Variants in ACTN4 observed in about 807,000 individuals in gnomAD.
ACTN4 encodes actinin alpha 4, also known as alpha-actinin-4.
A neutral mutation model predicts 114.2 loss-of-function variants in ACTN4; 18 were observed. That is an observed-to-expected ratio of 0.16 (90% CI 0.11 to 0.23). The LOEUF (loss-of-function observed/expected upper bound fraction) is 0.23, where lower values mean the gene tolerates loss of function less well. Among genes scored for constraint, ACTN4 ranks in the 10% least tolerant of loss-of-function variants. The pLI, the probability that ACTN4 is intolerant of heterozygous loss-of-function variation, is 1.00. For synonymous variants in ACTN4, 515 were observed against 506.3 expected (o/e 1.02, Z -0.23); for missense variants, 722 against 1,262.9 (o/e 0.57, Z 6.49).
rs1004424947 is a variant in ACTN4, at chr19:38,727,460, C to T, written c.2337+357C>T. On this transcript the variant is annotated intron_variant, in intron 18 of 20. Transcript: ENST00000252699. The surrounding 1 kb of genome is among the most constrained non-coding windows in gnomAD (Gnocchi z 5.4). Reference sequence around the variant, plus strand: ...GTGCTTTTAGAATTCAGATTTGGTCCGGCAGCCTCATCAGAGGGGCCCTGA... The same window carrying T: ...GTGCTTTTAGAATTCAGATTTGGTCTGGCAGCCTCATCAGAGGGGCCCTGA... 3.9e-5 allele frequency among the ~76,000 whole-genome samples: 6 copies of T among 152,130 alleles called. No homozygotes were observed. The highest frequency in any genetic ancestry group is 3.2e-3 in the Middle Eastern group (1 of 316).
At chr19:38,658,716 T>TC (rs1372179034) in intron 1 of ACTN4, among the ~76,000 whole-genome samples, 1 of 152,176 alleles carries the variant, frequency 6.6e-6, no homozygotes, top group Non-Finnish European at 1.5e-5. Flanking sequence ...TCAAGGGCAG[T>TC]CAGATGAATC....
chr19:38,721,734 G>A, intron 12 of ACTN4, 46 bp downstream of exon 12: 1 of 1,605,450 alleles, frequency 6.2e-7, no homozygotes, highest in Non-Finnish European at 8.5e-7. Flanking sequence ...TCTCACCACA[G>A]CCTGCCCAGA....
At chr19:38,677,070 C>G (rs950767478) in intron 1 of ACTN4, among the ~76,000 whole-genome samples, 1 of 152,178 alleles carries the variant, frequency 6.6e-6, no homozygotes, top group Non-Finnish European at 1.5e-5. Context: ...ACACGGGGCC[C>G]TTGCCTCTGC....
chr19:38,730,888 A>C lies in ACTN4; in HGVS notation c.*1456A>C. On this transcript the variant is annotated 3_prime_UTR_variant, in exon 21 of 21. Transcript: ENST00000252699. The stretch of plus-strand genomic sequence containing the variant: ...TGGCCACCTCCATCCACTAAGGAAG[A>C]GAAGGAAGACAGTGGCTTGAGGCAG... The C allele has an allele frequency of 6.4e-7, 1 of 1,551,652 alleles. No individual in the cohort carries two copies. The highest frequency in any genetic ancestry group is 8.7e-7 in the Non-Finnish European group (1 of 1,147,418).
chr19:38,647,925 C>A lies in ACTN4; in HGVS notation c.162+18C>A. The A allele has an allele frequency of 1.5e-6, 2 of 1,311,170 alleles. No homozygotes were observed. Among genetic ancestry groups the A allele is most frequent in the South Asian group, 1.6e-5 (1 of 63,062 alleles). 81.2% of individuals were successfully genotyped at this position (1,311,170 alleles called of 1,614,324 possible). A position where few individuals can be genotyped will look rare whatever the true frequency, so the allele number is the denominator to read the frequency against. On this transcript the variant is annotated intron_variant, in intron 1 of 20. Coordinates refer to ENST00000252699, the MANE Select transcript of ACTN4 (RefSeq NM_004924.6). ...AGCGCAAGGTGCGCGGCCCGCGGGC[C>A]GGACGGGCTGGAGGGGCTTTTCTGA...
At chr19:38,706,545 C>T in intron 5 of ACTN4, among the ~76,000 whole-genome samples, 1 of 152,158 alleles carries the variant, frequency 6.6e-6, no homozygotes, top group Admixed American at 6.5e-5. Flanking sequence ...TCCCAAGTAG[C>T]TGGGACTGCA....
chr19:38,719,929 CA>C (rs1299262814), intron 11 of ACTN4, among the ~76,000 whole-genome samples: 3 of 152,234 alleles, frequency 2.0e-5, no homozygotes, highest in African/African-American at 7.2e-5. Flanking sequence ...GGCCAGGGCC[CA>C]GCTGGTTCAG....
chr19:38,729,764 C>T lies in ACTN4; in HGVS notation c.*332C>T. The T allele has an allele frequency of 1.9e-6, 1 of 525,350 alleles. No individual in the cohort carries two copies. Among genetic ancestry groups the T allele is most frequent in the Admixed American group, 2.3e-5 (1 of 44,146 alleles). 32.5% of individuals were successfully genotyped at this position (525,350 alleles called of 1,614,324 possible). On this transcript the variant is annotated 3_prime_UTR_variant, in exon 21 of 21. Transcript: ENST00000252699. ...CCATGCCCTGGGATGCCTCACCACACCCAGGTCTCTTCCTTTGCTCTGAGG... is the reference window on the plus strand; with the variant it reads ...CCATGCCCTGGGATGCCTCACCACATCCAGGTCTCTTCCTTTGCTCTGAGG...
intron 1 of ACTN4, among the ~76,000 whole-genome samples, chr19:38,653,527 A>G (rs979972): frequency 0.39 from 58,934 of 151,942 alleles, 12,502 homozygotes; most frequent in Non-Finnish European, 0.47. Context: ...TTGCTCGTTC[A>G]GGTTTTCTGA....
At chr19:38,653,780 T>G (rs1057250128) in intron 1 of ACTN4, among the ~76,000 whole-genome samples, 1 of 152,210 alleles carries the variant, frequency 6.6e-6, no homozygotes, top group Admixed American at 6.5e-5. Flanking sequence ...CCTCCGTTTC[T>G]TTTTTTATGG....
chr19:38,670,407 G>C lies in ACTN4; in HGVS notation c.162+22500G>C, dbSNP rs189027899. Among the ~76,000 whole-genome samples, 194 of 152,310 alleles carry C rather than the reference G, an allele frequency of 1.3e-3. 4 individuals carry two copies. The South Asian group carries it at 0.026, about 21-fold the overall frequency. Reference sequence around the variant, plus strand: ...GTGATCCTGTCATTTGGACCCTTGTGAGGAGAATGGATGTGAGTGTGCACC... The same window carrying C: ...GTGATCCTGTCATTTGGACCCTTGTCAGGAGAATGGATGTGAGTGTGCACC... On this transcript the variant is annotated intron_variant, in intron 1 of 20. Coordinates refer to ENST00000252699, the MANE Select transcript of ACTN4 (RefSeq NM_004924.6).
Position 38,725,912 on chromosome 19 carries a change from C to T in ACTN4, c.2190+9C>T, listed in dbSNP as rs1258386014. On this transcript the variant is annotated intron_variant, in intron 17 of 20. Transcript: ENST00000252699. Reference sequence around the variant, plus strand: ...CCAACTATACCATGGAGGTGCGCGGCTGCCCCGCCCGCTGGCCTTTCCACC... The same window carrying T: ...CCAACTATACCATGGAGGTGCGCGGTTGCCCCGCCCGCTGGCCTTTCCACC... The T allele has an allele frequency of 1.1e-5, 18 of 1,613,518 alleles. No homozygotes were observed. The highest frequency in any genetic ancestry group is 1.4e-5 in the Non-Finnish European group (16 of 1,180,040).
At chr19:38,716,111 G>A (rs1354320728) in intron 9 of ACTN4, among the ~76,000 whole-genome samples, 1 of 152,008 alleles carries the variant, frequency 6.6e-6, no homozygotes, top group African/African-American at 2.4e-5. Flanking sequence ...CACCATGTTG[G>A]TCAGGCTGAT....
In ACTN4 at chr19:38,730,110, AAACAC is replaced by A. The variant is rs1340722510; in HGVS notation, c.*681_*685del. ...AGAACCAAAAAAAAAAAAGGAAAAAAAACACAAAACAACAAAAACCAAAAAAAAAA... is the reference window on the plus strand; with the variant it reads ...AGAACCAAAAAAAAAAAAGGAAAAAAAAAACAACAAAAACCAAAAAAAAAA... On this transcript the variant is annotated 3_prime_UTR_variant, in exon 21 of 21. Coordinates refer to ENST00000252699, the MANE Select transcript of ACTN4 (RefSeq NM_004924.6). The A allele has an allele frequency of 1.3e-5, 2 of 149,264 alleles. No homozygotes were observed. Among genetic ancestry groups the A allele is most frequent in the Non-Finnish European group, 3.0e-5 (2 of 67,456 alleles). The allele number at this position is 149,264 out of a possible 1,614,324, so 9.2% of individuals were successfully genotyped here.
chr19:38,711,687 C>T (rs577239973), intron 8 of ACTN4, among the ~76,000 whole-genome samples: 5 of 152,344 alleles, frequency 3.3e-5, no homozygotes, highest in South Asian at 2.1e-4. Flanking sequence ...TTTGACTGCC[C>T]GGCGTTCCCA....
chr19:38,722,187 A>G (rs989201102), intron 12 of ACTN4, among the ~76,000 whole-genome samples: 45 of 152,042 alleles, frequency 3.0e-4, no homozygotes, highest in Admixed American at 6.5e-4. Context: ...AGTCAGATAA[A>G]CTTGTGTACA....
Position 38,727,744 on chromosome 19 carries a change from G to A in ACTN4, c.2338-202G>A, listed in dbSNP as rs141692021. On this transcript the variant is annotated intron_variant, in intron 18 of 20. Transcript: ENST00000252699. This position sits in a 1 kb window ranked among gnomAD's most constrained non-coding sequence, Gnocchi z 5.4. ...GGCCTCTGCCTTCCTTTGAGCTTCC[G>A]AGGTTGGGGAAAGGATGAAAGGGGC... 4.3e-5 allele frequency: 26 copies of A among 599,018 alleles called. No homozygotes were observed. Among genetic ancestry groups the A allele is most frequent in the African/African-American group, 1.3e-4 (7 of 53,800 alleles). The allele number at this position is 599,018 out of a possible 1,614,324, so 37.1% of individuals were successfully genotyped here. A position where few individuals can be genotyped will look rare whatever the true frequency, so the allele number is the denominator to read the frequency against.
At position 38,717,138 on chromosome 19, in the gene ACTN4, A is replaced by G. The variant is rs1326318461; in HGVS notation, c.965A>G (p.Gln322Arg). Reference sequence around the variant, plus strand: ...CCCTGGCTGGAGGACCGTGTGCCCCAAAAGACTATCCAGGAGATGCAGCAG... The same window carrying G: ...CCCTGGCTGGAGGACCGTGTGCCCCGAAAGACTATCCAGGAGATGCAGCAG... ...TIPWLEDRVPQKTIQEMQQKL... is the reference protein window; with the variant it reads ...TIPWLEDRVPRKTIQEMQQKL... Residue 322 changes from glutamine to arginine, a missense_variant, in exon 10 of 21, where the codon CAA becomes CGA. Gln to Arg is a conservative substitution (Grantham distance 43). This residue lies in a region of ACTN4 where 523 missense variants were observed against 875.9 expected (regional missense o/e 0.60). Transcript: ENST00000252699. This position sits in a 1 kb window ranked among gnomAD's most constrained non-coding sequence, Gnocchi z 4.0. The G allele has an allele frequency of 6.2e-7, 1 of 1,614,200 alleles. No homozygotes were observed. The highest frequency in any genetic ancestry group is 8.5e-7 in the Non-Finnish European group (1 of 1,180,026).
At chr19:38,667,605 A>C (rs1403281259) in intron 1 of ACTN4, among the ~76,000 whole-genome samples, 1 of 152,046 alleles carries the variant, frequency 6.6e-6, no homozygotes, top group Non-Finnish European at 1.5e-5. Flanking sequence ...TTGTGGCCCA[A>C]AGGCAGCGTG....
Sources: gnomAD v4.1 joint callset for allele counts (sites outside exome capture counted in the v4.1 genomes callset) on GRCh38, gnomAD v4.1.1 for gene constraint, gnomAD v4.1.1 regional missense constraint, Gnocchi (gnomAD v3.1) non-coding constraint, MANE v1.5 for transcripts, NCBI Gene and HGNC (gene_info 2026-07-23, HGNC 2026-07-21) for gene names.